The following EXT1 variants were observed in gnomAD, a reference collection of about 807,000 sequenced individuals.
EXT1 encodes the protein exostosin glycosyltransferase 1, also known as exostosin-1.
A neutral mutation model predicts 82.5 loss-of-function variants in EXT1; 20 were observed. That is an observed-to-expected ratio of 0.24 (90% CI 0.17 to 0.35). EXT1 has a LOEUF of 0.35. EXT1 is among the 10% of genes least tolerant of loss of function. The pLI is 1.00. For missense variants in EXT1, 757 were observed against 936.5 expected (o/e 0.81, Z 2.50); for synonymous variants, 348 against 350.8 (o/e 0.99, Z 0.09).
intron 1 of EXT1, among the ~76,000 whole-genome samples, chr8:117,877,857 T>C (rs1467843701): frequency 6.6e-6 from 1 of 152,220 alleles, no homozygotes; most frequent in African/African-American, 2.4e-5. Context: ...GTTTTAATGT[T>C]TTTTTCTCCC....
intron 1 of EXT1, among the ~76,000 whole-genome samples, chr8:118,013,790 C>G (rs1421910339): frequency 6.6e-6 from 1 of 152,096 alleles, no homozygotes; most frequent in Non-Finnish European, 1.5e-5. Flanking sequence ...TAAGTATGTT[C>G]AAATATTTCA....
chr8:118,080,259 C>A (rs1175440026), intron 1 of EXT1, among the ~76,000 whole-genome samples: 1 of 152,200 alleles, frequency 6.6e-6, no homozygotes, highest in African/African-American at 2.4e-5. Flanking sequence ...TCAACAAGAA[C>A]TTCGTACCAC....
At chr8:117,878,038 C>T (rs1459811161) in intron 1 of EXT1, among the ~76,000 whole-genome samples, 1 of 152,048 alleles carries the variant, frequency 6.6e-6, no homozygotes, top group Non-Finnish European at 1.5e-5. Context: ...TTTGGGAGGC[C>T]GAGGTGGGCG....
chr8:118,019,358 G>A (rs1312524425), intron 1 of EXT1, among the ~76,000 whole-genome samples: 1 of 152,136 alleles, frequency 6.6e-6, no homozygotes, highest in African/African-American at 2.4e-5. Context: ...TCTCTAAATC[G>A]TCTTCTGTGC....
chr8:118,061,400 G>A (rs891997647), intron 1 of EXT1, among the ~76,000 whole-genome samples: 1 of 152,192 alleles, frequency 6.6e-6, no homozygotes, highest in Non-Finnish European at 1.5e-5. Context: ...ATGATTTAGA[G>A]ATTGTGTTTG....
intron 1 of EXT1, among the ~76,000 whole-genome samples, chr8:117,839,106 A>G (rs769222202): frequency 6.6e-6 from 1 of 152,238 alleles, no homozygotes; most frequent in Non-Finnish European, 1.5e-5. Flanking sequence ...GGTTACATAG[A>G]AGGACTATTT....
At chr8:117,826,159 T>A (rs1812005413) in intron 4 of EXT1, among the ~76,000 whole-genome samples, 1 of 152,216 alleles carries the variant, frequency 6.6e-6, no homozygotes, top group African/African-American at 2.4e-5. Context: ...TTAGAGAATT[T>A]CAATCAAACT....
intron 1 of EXT1, among the ~76,000 whole-genome samples, chr8:118,046,163 T>C: frequency 6.6e-6 from 1 of 151,880 alleles, no homozygotes; most frequent in East Asian, 1.9e-4. Context: ...TCCCACTCCA[T>C]TTCCTGCTCA....
At position 118,105,546 on chromosome 8, in the gene EXT1, A is replaced by G. The variant is rs572050919; in HGVS notation, c.962+4539T>C. Among the ~76,000 whole-genome samples, 23 of 152,294 alleles carry G rather than the reference A, an allele frequency of 1.5e-4. 1 individual carries two copies. Among genetic ancestry groups the G allele is most frequent in the African/African-American group, 5.5e-4 (23 of 41,556 alleles). ...ATTGAGGTTCTCAGGTGCTCTCCAG[A>G]AAGCAGGTTTAGAAAGAGGCGAGAA... is the stretch of plus-strand genomic sequence containing the variant. On this transcript the variant is annotated intron_variant, in intron 1 of 10. Coordinates refer to ENST00000378204, the MANE Select transcript of EXT1 (RefSeq NM_000127.3).
At chr8:118,043,373 T>C (rs1816566271) in intron 1 of EXT1, among the ~76,000 whole-genome samples, 2 of 152,178 alleles carry the variant, frequency 1.3e-5, no homozygotes, top group Admixed American at 1.3e-4. Context: ...TGGGACAGAA[T>C]TATTTCCTAG....
chr8:117,880,030 G>A (rs1254867463), intron 1 of EXT1, among the ~76,000 whole-genome samples: 1 of 152,124 alleles, frequency 6.6e-6, no homozygotes, highest in Non-Finnish European at 1.5e-5. Flanking sequence ...TTGAACCCCA[G>A]GAGCAATAAT....
At chr8:118,034,064 C>T (rs1434624152) in intron 1 of EXT1, among the ~76,000 whole-genome samples, 1 of 152,154 alleles carries the variant, frequency 6.6e-6, no homozygotes, top group Non-Finnish European at 1.5e-5. Flanking sequence ...ACTTATTAAA[C>T]ATCCATTATA....
chr8:118,005,209 A>G (rs1815748717), intron 1 of EXT1, among the ~76,000 whole-genome samples: 1 of 152,186 alleles, frequency 6.6e-6, no homozygotes, highest in Non-Finnish European at 1.5e-5. Context: ...GATGCTTCTC[A>G]TGACTGACAG....
intron 1 of EXT1, among the ~76,000 whole-genome samples, chr8:117,986,580 C>T (rs1019437967): frequency 6.6e-6 from 1 of 152,136 alleles, no homozygotes; most frequent in Admixed American, 6.5e-5. Context: ...TCTATGTGGC[C>T]ACATCTCCCA....
At chr8:118,073,908 G>A (rs1817154253) in intron 1 of EXT1, among the ~76,000 whole-genome samples, 1 of 152,128 alleles carries the variant, frequency 6.6e-6, no homozygotes, top group Non-Finnish European at 1.5e-5. Flanking sequence ...CTTGGGACAG[G>A]CACACTCCAG....
intron 1 of EXT1, among the ~76,000 whole-genome samples, chr8:118,086,623 T>C (rs1817423422): frequency 6.6e-6 from 1 of 152,258 alleles, no homozygotes. Context: ...GTTCATTCTC[T>C]AGTAGATGAC....
intron 1 of EXT1, among the ~76,000 whole-genome samples, chr8:117,963,406 G>A (rs890815472): frequency 6.6e-6 from 1 of 152,134 alleles, no homozygotes; most frequent in Non-Finnish European, 1.5e-5. Context: ...TGTCTTATTT[G>A]CTGGCTCTGA....
intron 1 of EXT1, among the ~76,000 whole-genome samples, chr8:117,975,363 T>C (rs1433910983): frequency 4.6e-5 from 7 of 152,122 alleles, no homozygotes; most frequent in African/African-American, 4.8e-5. Context: ...ACACCATCAA[T>C]GGAATAAAAA....
intron 1 of EXT1, among the ~76,000 whole-genome samples, chr8:117,853,101 T>G (rs181587546): frequency 3.3e-5 from 5 of 152,256 alleles, no homozygotes; most frequent in Admixed American, 2.6e-4. Flanking sequence ...ATCAAGAAAT[T>G]TAAAGTACTT....
Sources: allele counts gnomAD v4.1 joint callset (sites outside exome capture counted in the v4.1 genomes callset), GRCh38; gene constraint gnomAD v4.1.1; transcripts MANE v1.5; gene names NCBI Gene and HGNC (gene_info 2026-07-23, HGNC 2026-07-21).